SKIC3: variants seen among roughly 807,000 people sequenced by gnomAD.
SKIC3 encodes superkiller complex protein 3.
chr5:95,530,159 G>T, the SKIC3 span: 4 of 1,613,536 alleles, frequency 2.5e-6, no homozygotes, highest in Non-Finnish European at 3.4e-6. Flanking sequence ...AGCCAATGAG[G>T]CCTGGACCAC....
chr5:95,488,920 T>C, the SKIC3 span, among the ~76,000 whole-genome samples: 1 of 152,072 alleles, frequency 6.6e-6, no homozygotes, highest in South Asian at 2.1e-4. Context: ...CAACCTTGAA[T>C]GTAAATGAAT....
the SKIC3 span, among the ~76,000 whole-genome samples, chr5:95,488,466 A>C: frequency 9.2e-5 from 14 of 152,238 alleles, no homozygotes; most frequent in Admixed American, 3.3e-4. Flanking sequence ...ATGAACACCC[A>C]TCAGACTAAC....
the SKIC3 span, among the ~76,000 whole-genome samples, chr5:95,470,270 G>A: frequency 9.2e-5 from 14 of 152,072 alleles, no homozygotes; most frequent in East Asian, 1.9e-4. Flanking sequence ...GAGCCACCGC[G>A]CCCGGCCAAC....
At chr5:95,543,853 A>G in the SKIC3 span, among the ~76,000 whole-genome samples, 5 of 152,250 alleles carry the variant, frequency 3.3e-5, no homozygotes, top group African/African-American at 9.6e-5. Flanking sequence ...ATGTTTAAAC[A>G]ACACCTGCCA....
chr5:95,507,118 T>A, the SKIC3 span: 1 of 975,928 alleles, frequency 1.0e-6, no homozygotes. Flanking sequence ...TACTAATTCT[T>A]TGGTGCTAGT....
At chr5:95,473,186 C>G in the SKIC3 span, among the ~76,000 whole-genome samples, 1 of 152,176 alleles carries the variant, frequency 6.6e-6, no homozygotes, top group African/African-American at 2.4e-5. Context: ...CTGCTTTCCA[C>G]AGTGGCTGAA....
chr5:95,504,687 ATAT>A, the SKIC3 span, among the ~76,000 whole-genome samples: 1 of 152,062 alleles, frequency 6.6e-6, no homozygotes, highest in East Asian at 1.9e-4. Flanking sequence ...CACAAACAAA[ATAT>A]TATTCTTTTT....
At chr5:95,489,784 A>G in the SKIC3 span, among the ~76,000 whole-genome samples, 1 of 152,160 alleles carries the variant, frequency 6.6e-6, no homozygotes, top group Non-Finnish European at 1.5e-5. Flanking sequence ...CGGATAAAAA[A>G]TAAAAATAGG....
the SKIC3 span, chr5:95,469,979 T>TCC: frequency 6.6e-7 from 1 of 1,508,652 alleles, no homozygotes; most frequent in Non-Finnish European, 9.0e-7. Flanking sequence ...TTCAATTCAA[T>TCC]TCTTTTTTTT....
At chr5:95,523,568 A>T in the SKIC3 span, 24 of 1,449,358 alleles carry the variant, frequency 1.7e-5, no homozygotes, top group Non-Finnish European at 2.2e-5. Flanking sequence ...AACTAATGAT[A>T]ACTTTCAAGT....
the SKIC3 span, chr5:95,517,330 A>G: frequency 5.0e-6 from 8 of 1,611,582 alleles, no homozygotes; most frequent in Non-Finnish European, 6.8e-6. Flanking sequence ...GCACTAAAAA[A>G]AGAAACATTG....
chr5:95,536,030 G>C, the SKIC3 span, among the ~76,000 whole-genome samples: 8 of 151,924 alleles, frequency 5.3e-5, no homozygotes, highest in Non-Finnish European at 1.0e-4. Flanking sequence ...CAAAAGGAAA[G>C]AGGCTGGTGG....
chr5:95,517,274 C>T, the SKIC3 span: 1 of 1,613,238 alleles, frequency 6.2e-7, no homozygotes, highest in Non-Finnish European at 8.5e-7. Flanking sequence ...TACAAGCATC[C>T]CCAGCTAGCT....
chr5:95,526,743 A>C, the SKIC3 span, among the ~76,000 whole-genome samples: 1 of 152,172 alleles, frequency 6.6e-6, no homozygotes, highest in Non-Finnish European at 1.5e-5. Flanking sequence ...TGTTAGAGGC[A>C]TGAGCCACTG....
chr5:95,505,538 G>A, the SKIC3 span, among the ~76,000 whole-genome samples: 1 of 152,118 alleles, frequency 6.6e-6, no homozygotes, highest in Admixed American at 6.5e-5. Context: ...TGAAGGCCGG[G>A]CACGGTGGCT....
the SKIC3 span, chr5:95,502,776 C>T: frequency 6.7e-7 from 1 of 1,486,768 alleles, no homozygotes; most frequent in Non-Finnish European, 9.2e-7. Context: ...CCCTTTTGTT[C>T]ACCCAAAAGT....
the SKIC3 span, among the ~76,000 whole-genome samples, chr5:95,505,982 G>T: frequency 6.6e-6 from 1 of 151,954 alleles, no homozygotes; most frequent in Admixed American, 6.6e-5. Context: ...TCAATGGAAG[G>T]TATATATTTT....
At chr5:95,525,641 CA>C in the SKIC3 span, 16 of 1,613,834 alleles carry the variant, frequency 9.9e-6, no homozygotes, top group Non-Finnish European at 1.4e-5. Context: ...TTTTGAGAAC[CA>C]AAAGTCCTGG....
chr5:95,497,395 G>A, the SKIC3 span: 1 of 1,595,114 alleles, frequency 6.3e-7, no homozygotes, highest in Non-Finnish European at 8.6e-7. Context: ...CTCTTTGCTA[G>A]AATTTGAAAC....
Sources: allele counts gnomAD v4.1 joint callset (sites outside exome capture counted in the v4.1 genomes callset), GRCh38; gene constraint gnomAD v4.1.1; transcripts MANE v1.5; gene names NCBI Gene and HGNC (gene_info 2026-07-23, HGNC 2026-07-21).